The following ATP2C2 variants were observed in gnomAD, a reference collection of about 807,000 sequenced individuals.
The protein encoded by ATP2C2 is ATPase secretory pathway Ca2+ transporting 2.
In ATP2C2, 171 loss-of-function variants were observed where a neutral mutation model predicts 110.8. The observed-to-expected ratio is 1.54, with a 90% confidence interval of 1.36 to 1.75. The LOEUF is 1.75. Ranked by LOEUF, ATP2C2 falls within the 40% of genes most tolerant of loss-of-function variation. The probability of loss-of-function intolerance (pLI) is 0.00; values close to 1 mark genes in which losing one functional copy is unlikely to be tolerated. For synonymous variants in ATP2C2, 804 were observed against 508.4 expected (o/e 1.58, Z -7.82); for missense variants, 1,963 against 1,235.0 (o/e 1.59, Z -8.84).
chr16:84,440,892 G>A lies in ATP2C2; in HGVS notation c.1245G>A (p.Val415=), dbSNP rs1263996710. ...TTGGGTATGACGGTCAAGGGACTGT[G>A]TGTCTTCTACCATCCAAGGAAGTCA... ...SGVGYDGQGT[V]CLLPSKEVIK... The change falls in exon 14 of 27, where the codon GTG becomes GTA. Residue 415 remains valine, a synonymous_variant. Transcript: ENST00000262429. The A allele has an allele frequency of 1.9e-6, 3 of 1,613,520 alleles. No homozygotes were observed. The highest frequency in any genetic ancestry group is 2.5e-6 in the Non-Finnish European group (3 of 1,179,966).
intron 14 of ATP2C2, among the ~76,000 whole-genome samples, chr16:84,442,195 G>A (rs995192012): frequency 6.6e-6 from 1 of 152,146 alleles, no homozygotes; most frequent in Non-Finnish European, 1.5e-5. Flanking sequence ...CTTCACCACT[G>A]TCTAGAATAC....
At chr16:84,374,246 A>G (rs1245253513) in intron 1 of ATP2C2, among the ~76,000 whole-genome samples, 2 of 152,156 alleles carry the variant, frequency 1.3e-5, no homozygotes, top group South Asian at 2.1e-4. Context: ...CGAATCCACA[A>G]TTGTGCGCTG....
At chr16:84,409,731 G>C (rs1436866833) in intron 4 of ATP2C2, among the ~76,000 whole-genome samples, 1 of 152,096 alleles carries the variant, frequency 6.6e-6, no homozygotes, top group Non-Finnish European at 1.5e-5. Flanking sequence ...TCGACCTCTT[G>C]ACCTCAGGTG....
chr16:84,453,863 C>T (rs186393380), intron 20 of ATP2C2, among the ~76,000 whole-genome samples: 121 of 151,754 alleles, frequency 8.0e-4, no homozygotes, highest in Admixed American at 1.4e-3. Context: ...GTTGTAGGTA[C>T]GGAGTCTTGC....
Position 84,402,343 on chromosome 16 carries a change from A to G in ATP2C2, c.211-2785A>G, listed in dbSNP as rs188027699. ...CTCTTGTCTGATTGCTCTAGCTAGA[A>G]CTTACAGTATTCTGTTGAATAGTAG... On this transcript the variant is annotated intron_variant, in intron 2 of 26. Coordinates refer to ENST00000262429, the MANE Select transcript of ATP2C2 (RefSeq NM_014861.4). Among the ~76,000 whole-genome samples, 685 of 152,324 alleles carry G rather than the reference A, an allele frequency of 4.5e-3. 3 individuals are homozygous for G. Among genetic ancestry groups the G allele is most frequent in the South Asian group, 0.013 (64 of 4,826 alleles).
At chr16:84,453,510 C>A in intron 20 of ATP2C2, 139 bp downstream of exon 20, 2 of 1,161,398 alleles carry the variant, frequency 1.7e-6, no homozygotes, top group East Asian at 2.4e-5. Flanking sequence ...GGCAGCTGCC[C>A]CGGGAGTTAC....
At chr16:84,442,294 C>G (rs577035521) in intron 14 of ATP2C2, among the ~76,000 whole-genome samples, 1 of 152,320 alleles carries the variant, frequency 6.6e-6, no homozygotes, top group South Asian at 2.1e-4. Flanking sequence ...ACCTGCCTCC[C>G]TGCTGGGTTC....
intron 9 of ATP2C2, 100 bp from the exon 10 acceptor site, chr16:84,423,088 C>G (rs932341296): frequency 1.7e-5 from 17 of 981,912 alleles, no homozygotes; most frequent in Non-Finnish European, 2.7e-5. Context: ...CCTGTGTAAT[C>G]ATCACTGAAG....
chr16:84,395,189 G>A (rs992551335), intron 1 of ATP2C2, among the ~76,000 whole-genome samples: 5 of 152,040 alleles, frequency 3.3e-5, no homozygotes, highest in Admixed American at 1.3e-4. Flanking sequence ...GAAGTCGGAG[G>A]CTGGGTCCTC....
chr16:84,453,242 CCCCGGAGG>C lies in ATP2C2; in HGVS notation c.1929+9_1929+16del, dbSNP rs1555567761. On this transcript the variant is annotated splice_region_variant and intron_variant, in intron 19 of 26. Coordinates refer to ENST00000262429, the MANE Select transcript of ATP2C2 (RefSeq NM_014861.4). ...GGCCGACCGCGTGGGGAAGGTGGGT[CCCCGGAGG>C]CTTGGCTGGCAGTGGGGCTGGGTCA... is the stretch of plus-strand genomic sequence containing the variant. 2.5e-6 allele frequency: 4 copies of C among 1,613,844 alleles called. No homozygotes were observed. Among genetic ancestry groups the C allele is most frequent in the Non-Finnish European group, 3.4e-6 (4 of 1,179,928 alleles).
At chr16:84,447,665 ATTACATATATT>A (rs1314106155) in intron 16 of ATP2C2, among the ~76,000 whole-genome samples, 1 of 139,212 alleles carries the variant, frequency 7.2e-6, no homozygotes, top group East Asian at 1.9e-4. Context: ...TGTAATATAT[ATTACATATATT>A]ACATATATTA....
chr16:84,408,885 A>C (rs1045084892), intron 4 of ATP2C2, among the ~76,000 whole-genome samples: 2 of 152,054 alleles, frequency 1.3e-5, no homozygotes, highest in African/African-American at 2.4e-5. Context: ...TGAAATTCAC[A>C]TAATAAAATA....
intron 21 of ATP2C2, among the ~76,000 whole-genome samples, chr16:84,455,372 G>T (rs944893360): frequency 2.0e-5 from 3 of 152,154 alleles, no homozygotes; most frequent in Non-Finnish European, 2.9e-5. Flanking sequence ...TGAGTGTGGG[G>T]TGAGAAAGGA....
Position 84,390,405 on chromosome 16 carries a change from C to T in ATP2C2, c.100-8094C>T, listed in dbSNP as rs549660858. On this transcript the variant is annotated intron_variant, in intron 1 of 26. Transcript: ENST00000262429. ...GGTTAAACGTCAGTCCTGAGCTGCG[C>T]TTGTTGGGTGCAGCTTCTCTTGGAA... 2.2e-4 allele frequency among the ~76,000 whole-genome samples: 34 copies of T among 152,314 alleles called. No homozygotes were observed. In the East Asian group the frequency reaches 5.8e-3, roughly 26 times the overall value.
At position 84,460,708 on chromosome 16, in the gene ATP2C2, G is replaced by T; in HGVS notation, c.2388G>T (p.Val796=). 6.2e-7 allele frequency: 1 copy of T among 1,614,236 alleles called. No individual in the cohort carries two copies. Among genetic ancestry groups the T allele is most frequent in the Non-Finnish European group, 8.5e-7 (1 of 1,180,044 alleles). ...KDAFRQPPRS[V]RDTILSRALI... is the part of the protein sequence containing the mutation. ...CCTTCAGGCAGCCACCACGGAGTGT[G>T]CGGGACACCATCCTCAGCAGAGCCC... The change falls in exon 24 of 27, where the codon GTG becomes GTT. Residue 796 remains valine, a synonymous_variant. Transcript: ENST00000262429.
intron 1 of ATP2C2, among the ~76,000 whole-genome samples, chr16:84,384,082 C>T (rs967554592): frequency 6.6e-6 from 1 of 152,116 alleles, no homozygotes; most frequent in African/African-American, 2.4e-5. Context: ...AGCCACTGTG[C>T]CCAGCCTATT....
intron 4 of ATP2C2, among the ~76,000 whole-genome samples, chr16:84,409,701 C>G (rs182826027): frequency 1.3e-5 from 2 of 152,056 alleles, no homozygotes; most frequent in East Asian, 3.9e-4. Context: ...TGAGGTTTCC[C>G]TGTGTTGGCC....
At chr16:84,460,186 G>C (rs1185693528) in intron 23 of ATP2C2, 1 of 210,226 alleles carries the variant, frequency 4.8e-6, no homozygotes, top group African/African-American at 2.3e-5. Flanking sequence ...CCTCAGCTGT[G>C]TCTGAGCGGC....
intron 16 of ATP2C2, among the ~76,000 whole-genome samples, chr16:84,446,844 C>T (rs770136634): frequency 1.2e-4 from 18 of 152,130 alleles, no homozygotes; most frequent in Admixed American, 1.2e-3. Context: ...TAACACCAGT[C>T]GCCAACTTGC....
Sources: gnomAD v4.1 joint callset for allele counts (sites outside exome capture counted in the v4.1 genomes callset) on GRCh38, gnomAD v4.1.1 for gene constraint, MANE v1.5 for transcripts, NCBI Gene and HGNC (gene_info 2026-07-23, HGNC 2026-07-21) for gene names.